Variants in CNIH3 observed in about 807,000 individuals in gnomAD.
The protein encoded by CNIH3 is protein cornichon homolog 3.
CNIH3 carries 14 observed loss-of-function variants against 24.1 expected under a neutral mutation model. The observed-to-expected ratio is 0.58, with a 90% CI of 0.38 to 0.91. CNIH3 has a LOEUF of 0.91. CNIH3 is among the 40% of genes least tolerant of loss of function. CNIH3 has a pLI of 0.00. For synonymous variants in CNIH3, 68 were observed against 73.8 expected (o/e 0.92, Z 0.40); for missense variants, 178 against 196.8 (o/e 0.90, Z 0.57).
At chr1:224,735,272 T>A (rs1300959910) in intron 5 of CNIH3, among the ~76,000 whole-genome samples, 1 of 152,230 alleles carries the variant, frequency 6.6e-6, no homozygotes, top group Non-Finnish European at 1.5e-5. Context: ...CCTGCTGACT[T>A]TGCAGTCCTG....
At chr1:224,657,530 A>G (rs1472163598) in intron 1 of CNIH3, among the ~76,000 whole-genome samples, 1 of 152,244 alleles carries the variant, frequency 6.6e-6, no homozygotes, top group African/African-American at 2.4e-5. Context: ...CTTTGAAAAC[A>G]AAAACAAAAA....
chr1:224,739,076 C>A (rs1423643687), intron 5 of CNIH3, among the ~76,000 whole-genome samples: 2 of 152,090 alleles, frequency 1.3e-5, no homozygotes, highest in African/African-American at 4.8e-5. Flanking sequence ...TGATAATAGG[C>A]ACTTAGAGCT....
intron 3 of CNIH3, among the ~76,000 whole-genome samples, chr1:224,700,136 C>G (rs1687403116): frequency 6.6e-6 from 1 of 152,162 alleles, no homozygotes; most frequent in African/African-American, 2.4e-5. Flanking sequence ...CTTGCCACCA[C>G]TGGACTCTCT....
At chr1:224,534,986 A>G (rs1029073647) in intron 2 of CNIH3, among the ~76,000 whole-genome samples, 1 of 151,768 alleles carries the variant, frequency 6.6e-6, no homozygotes, top group Admixed American at 6.6e-5. Flanking sequence ...AGGTACTCAT[A>G]GACACCTACC....
At chr1:224,445,574 TAAAAAA>T (rs369951294) in intron 1 of CNIH3, among the ~76,000 whole-genome samples, 49 of 90,410 alleles carry the variant, frequency 5.4e-4, no homozygotes, top group African/African-American at 1.2e-3. Context: ...GGACTCTGCT[TAAAAAA>T]AAAAAAAAAA....
chr1:224,720,600 C>A (rs1015371081), intron 3 of CNIH3, among the ~76,000 whole-genome samples: 2 of 152,152 alleles, frequency 1.3e-5, no homozygotes, highest in East Asian at 1.9e-4. Context: ...AAATTCCCAT[C>A]GAGCTCTAGG....
intron 3 of CNIH3, among the ~76,000 whole-genome samples, chr1:224,698,095 G>T (rs1687272463): frequency 6.6e-6 from 1 of 152,176 alleles, no homozygotes; most frequent in African/African-American, 2.4e-5. Context: ...CCAGAACTGA[G>T]TTTCACTGGC....
chr1:224,655,351 T>C (rs150881219), intron 1 of CNIH3, among the ~76,000 whole-genome samples: 3 of 152,132 alleles, frequency 2.0e-5, no homozygotes, highest in South Asian at 4.1e-4. Flanking sequence ...GAAGGCCAGA[T>C]GGTGCATTCT....
intron 1 of CNIH3, among the ~76,000 whole-genome samples, chr1:224,501,242 G>A (rs1677652501): frequency 6.6e-6 from 1 of 152,232 alleles, no homozygotes; most frequent in African/African-American, 2.4e-5. Flanking sequence ...GTCATACTTT[G>A]TTCATTGTAG....
At chr1:224,718,978 G>A (rs2125218484) in intron 3 of CNIH3, 1 of 152,344 alleles carries the variant, frequency 6.6e-6, no homozygotes, top group South Asian at 2.1e-4. Flanking sequence ...ATGGTCCAGT[G>A]TTCAGCTGTC....
At chr1:224,635,831 C>T (rs1684061310) in intron 1 of CNIH3, among the ~76,000 whole-genome samples, 1 of 152,154 alleles carries the variant, frequency 6.6e-6, no homozygotes, top group Admixed American at 6.5e-5. Context: ...CCTGCCTCAG[C>T]TTTCTGAGTA....
intron 1 of CNIH3, chr1:224,434,931 GAGGCCAGC>G (rs1674575886): frequency 2.0e-6 from 2 of 985,572 alleles, no homozygotes; most frequent in Non-Finnish European, 2.4e-6. Context: ...TCAGGGGAGG[GAGGCCAGC>G]GGGCCGGCGG....
chr1:224,581,252 G>T (rs1196127527), intron 4 of CNIH3, among the ~76,000 whole-genome samples: 2 of 152,056 alleles, frequency 1.3e-5, no homozygotes, highest in Non-Finnish European at 2.9e-5. Context: ...TTCCGGTTTT[G>T]ATGGTTTTTT....
intron 3 of CNIH3, among the ~76,000 whole-genome samples, chr1:224,694,336 C>T (rs1156424362): frequency 6.6e-6 from 1 of 152,176 alleles, no homozygotes; most frequent in Non-Finnish European, 1.5e-5. Flanking sequence ...CAGCAGCCCT[C>T]ATGGCAGCAG....
At chr1:224,620,523 A>G (rs943890760) in intron 1 of CNIH3, among the ~76,000 whole-genome samples, 1 of 152,246 alleles carries the variant, frequency 6.6e-6, no homozygotes, top group Non-Finnish European at 1.5e-5. Context: ...AGCAACAGCA[A>G]CCAGACTCAA....
At chr1:224,437,321 C>T (rs1674707652) in intron 1 of CNIH3, among the ~76,000 whole-genome samples, 1 of 152,184 alleles carries the variant, frequency 6.6e-6, no homozygotes, top group South Asian at 2.1e-4. Context: ...CTGTTAAAAA[C>T]GGGTCTCTAT....
chr1:224,515,445 G>A (rs1229883949), upstream of CNIH3, among the ~76,000 whole-genome samples: 2 of 152,168 alleles, frequency 1.3e-5, no homozygotes, highest in Non-Finnish European at 2.9e-5. Context: ...ATTACACTTA[G>A]GGTTAGATTC....
chr1:224,465,542 T>C (rs1012200355), intron 1 of CNIH3, among the ~76,000 whole-genome samples: 1 of 152,276 alleles, frequency 6.6e-6, no homozygotes, highest in African/African-American at 2.4e-5. Context: ...TCATACGTTT[T>C]ACTTACACAT....
At chr1:224,472,073 G>A (rs1195448024) in intron 1 of CNIH3, among the ~76,000 whole-genome samples, 2 of 152,082 alleles carry the variant, frequency 1.3e-5, no homozygotes, top group Non-Finnish European at 2.9e-5. Flanking sequence ...TTTTGGGAGG[G>A]TGGGTATTTC....
Sources: gnomAD v4.1 joint callset for allele counts (sites outside exome capture counted in the v4.1 genomes callset) on GRCh38, gnomAD v4.1.1 for gene constraint, MANE v1.5 for transcripts, NCBI Gene and HGNC (gene_info 2026-07-23, HGNC 2026-07-21) for gene names.